Variants in NOVA1 observed in about 807,000 individuals in gnomAD.
The protein encoded by NOVA1 is NOVA alternative splicing regulator 1, also known as RNA-binding protein Nova-1.
Under a neutral mutation model 38.0 loss-of-function variants are expected in NOVA1, and 7 were observed. The observed-to-expected ratio is 0.18, with a 90% confidence interval of 0.10 to 0.35. The LOEUF is 0.35. Among genes scored for constraint, NOVA1 ranks in the 10% least tolerant of loss-of-function variants. The probability of loss-of-function intolerance (pLI) is 1.00; values close to 1 mark genes in which losing one functional copy is unlikely to be tolerated. For synonymous variants in NOVA1, 270 were observed against 232.5 expected (o/e 1.16, Z -1.47); for missense variants, 460 against 616.0 (o/e 0.75, Z 2.68).
At chr14:26,531,034 C>T (rs967357315) in intron 2 of NOVA1, among the ~76,000 whole-genome samples, 4 of 152,086 alleles carry the variant, frequency 2.6e-5, no homozygotes, top group African/African-American at 9.7e-5. Context: ...CACCTAAACC[C>T]ACTACTAATA....
chr14:26,528,430 C>A (rs943060310), intron 2 of NOVA1, among the ~76,000 whole-genome samples: 1 of 152,056 alleles, frequency 6.6e-6, no homozygotes, highest in African/African-American at 2.4e-5. Flanking sequence ...GTAGGGCCAA[C>A]TCCAGGCCAT....
chr14:26,571,357 C>T (rs891180909), intron 2 of NOVA1, among the ~76,000 whole-genome samples: 2 of 152,014 alleles, frequency 1.3e-5, no homozygotes, highest in African/African-American at 2.4e-5. Context: ...AGAGTACTCA[C>T]GAGAAGATAC....
At chr14:26,577,535 T>G (rs1892936545) in intron 2 of NOVA1, among the ~76,000 whole-genome samples, 1 of 152,098 alleles carries the variant, frequency 6.6e-6, no homozygotes, top group Non-Finnish European at 1.5e-5. Context: ...CATAGCAGAG[T>G]GCATTTCTGT....
At position 26,472,072 on chromosome 14, in the gene NOVA1, A is replaced by C. The variant is rs369097800; in HGVS notation, c.519+248T>G. The C allele has an allele frequency of 1.2e-3, 540 of 454,848 alleles. 17 individuals carry two copies. In the South Asian group the frequency reaches 0.028, roughly 24 times the overall value. The allele number at this position is 454,848 out of a possible 1,614,324, so 28.2% of individuals were successfully genotyped here. A position where few individuals can be genotyped will look rare whatever the true frequency, so the allele number is the denominator to read the frequency against. The stretch of plus-strand genomic sequence containing the variant: ...CTTCAGTGCTCCATTAGGTAGTCAA[A>C]TTTTAAGGAAAAATAATAAAAAATT... On this transcript the variant is annotated intron_variant, in intron 4 of 4. Transcript: ENST00000539517.
At chr14:26,487,013 A>G (rs1048466556) in intron 2 of NOVA1, among the ~76,000 whole-genome samples, 2 of 152,148 alleles carry the variant, frequency 1.3e-5, no homozygotes, top group Admixed American at 1.3e-4. Flanking sequence ...ATCACTTTTC[A>G]TATTGTCTTT....
intron 4 of NOVA1, among the ~76,000 whole-genome samples, chr14:26,452,662 C>T (rs1020078446): frequency 2.0e-5 from 3 of 152,084 alleles, no homozygotes; most frequent in African/African-American, 7.2e-5. Flanking sequence ...TCTAAAGAAT[C>T]GGGAGAAAAG....
chr14:26,468,095 T>C (rs557187222), intron 4 of NOVA1, among the ~76,000 whole-genome samples: 1 of 152,214 alleles, frequency 6.6e-6, no homozygotes, highest in African/African-American at 2.4e-5. Flanking sequence ...GGTGAGAACG[T>C]TACTCCTGTG....
chr14:26,557,666 C>A (rs892040711), intron 2 of NOVA1, among the ~76,000 whole-genome samples: 4 of 152,094 alleles, frequency 2.6e-5, no homozygotes, highest in African/African-American at 4.8e-5. Context: ...AGCCACCATG[C>A]TCAGCCCACT....
intron 2 of NOVA1, chr14:26,549,506 C>G (rs1239312739): frequency 5.0e-6 from 1 of 199,622 alleles, no homozygotes; most frequent in Non-Finnish European, 1.1e-5. Flanking sequence ...GTGCATCCAT[C>G]TATTTGTTAT....
rs1386157815 is a variant in NOVA1, at chr14:26,499,830, C to T, written c.281-19687G>A. On this transcript the variant is annotated intron_variant, in intron 2 of 4. Transcript: ENST00000539517. ...TAGCAGAAAGCCTTCTTATTAGCCA[C>T]AGTCAATTCCAGCGTGGTCTCAAAG... is the stretch of plus-strand genomic sequence containing the variant. Among the ~76,000 whole-genome samples, 4 of 152,064 alleles carry T rather than the reference C, an allele frequency of 2.6e-5. No individual in the cohort carries two copies. In the East Asian group the frequency reaches 7.7e-4, roughly 29 times the overall value.
chr14:26,560,192 T>C (rs1049185809), intron 2 of NOVA1, among the ~76,000 whole-genome samples: 17 of 152,158 alleles, frequency 1.1e-4, no homozygotes, highest in African/African-American at 4.1e-4. Flanking sequence ...AAAATGTCTA[T>C]GATTTGTCAT....
chr14:26,526,959 C>G (rs1194024059), intron 2 of NOVA1, among the ~76,000 whole-genome samples: 3 of 152,130 alleles, frequency 2.0e-5, no homozygotes, highest in African/African-American at 7.2e-5. Context: ...GTACCAGAAT[C>G]TTGGACATCC....
intron 2 of NOVA1, among the ~76,000 whole-genome samples, chr14:26,556,193 A>G (rs2138663807): frequency 6.6e-6 from 1 of 152,298 alleles, no homozygotes; most frequent in Admixed American, 6.5e-5. Context: ...GGCCCAGAAT[A>G]TTAAAGGAAA....
At chr14:26,565,807 C>T (rs777438924) in intron 2 of NOVA1, among the ~76,000 whole-genome samples, 22 of 151,972 alleles carry the variant, frequency 1.4e-4, no homozygotes, top group Non-Finnish European at 3.1e-4. Context: ...TTGATTAGTG[C>T]TGAAAATGTG....
intron 2 of NOVA1, among the ~76,000 whole-genome samples, chr14:26,585,138 T>C (rs538748978): frequency 4.0e-5 from 6 of 151,574 alleles, no homozygotes; most frequent in African/African-American, 1.2e-4. Flanking sequence ...TTTACTATGA[T>C]AAAAATCAAA....
At chr14:26,516,605 A>T (rs1888481090) in intron 2 of NOVA1, among the ~76,000 whole-genome samples, 1 of 152,114 alleles carries the variant, frequency 6.6e-6, no homozygotes, top group South Asian at 2.1e-4. Flanking sequence ...TACTCAATTA[A>T]CTCAGACTAT....
intron 2 of NOVA1, among the ~76,000 whole-genome samples, chr14:26,574,833 T>C (rs531515639): frequency 6.6e-6 from 1 of 150,620 alleles, no homozygotes; most frequent in Admixed American, 6.6e-5. Context: ...TTTAAAAAAA[T>C]TTTTTTTTTG....
chr14:26,450,976 C>A (rs1882619369), intron 4 of NOVA1, among the ~76,000 whole-genome samples: 1 of 152,060 alleles, frequency 6.6e-6, no homozygotes, highest in African/African-American at 2.4e-5. Flanking sequence ...TCGGCCAAGA[C>A]TTTTAAAAGA....
chr14:26,518,295 C>T (rs1888627295), intron 2 of NOVA1, among the ~76,000 whole-genome samples: 1 of 151,846 alleles, frequency 6.6e-6, no homozygotes, highest in African/African-American at 2.4e-5. Context: ...TCTATGTTAT[C>T]TAAGTTTTCT....
Sources: gnomAD v4.1 joint callset for allele counts (sites outside exome capture counted in the v4.1 genomes callset) on GRCh38, gnomAD v4.1.1 for gene constraint, MANE v1.5 for transcripts, NCBI Gene and HGNC (gene_info 2026-07-23, HGNC 2026-07-21) for gene names.